Variants in CHIC1 observed in about 807,000 individuals in gnomAD.
The protein encoded by CHIC1 is cysteine-rich hydrophobic domain-containing protein 1.
A neutral mutation model predicts 18.5 loss-of-function variants in CHIC1; 7 were observed. The observed-to-expected ratio is 0.38, with a 90% CI of 0.22 to 0.71. The LOEUF is 0.71. Among genes scored for constraint, CHIC1 ranks in the 30% least tolerant of loss-of-function variants. The probability of loss-of-function intolerance (pLI) is 0.49; values close to 1 mark genes in which losing one functional copy is unlikely to be tolerated. For synonymous variants in CHIC1, 77 were observed against 73.5 expected, an observed-to-expected ratio of 1.05 and a Z score of -0.25; for missense variants, 159 against 176.9, an observed-to-expected ratio of 0.90 and a Z score of 0.57.
chrX:73,576,439 CT>C (rs1193529591), intron 1 of CHIC1, among the ~76,000 whole-genome samples: 1 of 110,451 alleles, frequency 9.1e-6, no homozygotes, highest in Non-Finnish European at 1.9e-5. Flanking sequence ...TATGACAACA[CT>C]AAGCAATAGA....
intron 3 of CHIC1, among the ~76,000 whole-genome samples, chrX:73,627,809 G>A (rs182283829): frequency 4.8e-4 from 53 of 111,382 alleles, no homozygotes; most frequent in African/African-American, 1.1e-3. Context: ...TTCCCTGGTC[G>A]TGGTGGTATC....
chrX:73,681,221 A>T lies in CHIC1; in HGVS notation c.*216A>T, dbSNP rs1174161584. Reference sequence around the variant, plus strand: ...GTTTTGCACTCTCAATTTTAAATACACACACATGCGTGTGTGCATATACAT... The same window carrying T: ...GTTTTGCACTCTCAATTTTAAATACTCACACATGCGTGTGTGCATATACAT... On this transcript the variant is annotated 3_prime_UTR_variant, in exon 6 of 6. Coordinates refer to ENST00000373502, the MANE Select transcript of CHIC1 (RefSeq NM_001039840.4). The T allele has an allele frequency of 2.8e-6, 1 of 357,712 alleles. No homozygotes were observed. The highest frequency in any genetic ancestry group is 5.8e-5 in the Admixed American group (1 of 17,366). 29.5% of individuals were successfully genotyped at this position (357,712 alleles called of 1,213,427 possible).
At chrX:73,600,442 C>T (rs1275374679) in intron 3 of CHIC1, among the ~76,000 whole-genome samples, 2 of 104,073 alleles carry the variant, frequency 1.9e-5, no homozygotes, top group Non-Finnish European at 3.9e-5. Context: ...CCAGTTTTTG[C>T]CCATTCAGTA....
intron 3 of CHIC1, among the ~76,000 whole-genome samples, chrX:73,604,525 AT>A (rs372014262): frequency 0.037 from 3,926 of 107,262 alleles, 485 homozygotes; most frequent in African/African-American, 0.14. Context: ...TCTGATCTTA[AT>A]TATTTCTTGC....
At chrX:73,642,754 C>G (rs2057864483) in intron 3 of CHIC1, among the ~76,000 whole-genome samples, 1 of 110,169 alleles carries the variant, frequency 9.1e-6, no homozygotes, top group Admixed American at 9.8e-5. Context: ...GCCAGTTTTC[C>G]CAGCACCATT....
In CHIC1 at chrX:73,684,771, T is replaced by A. The variant is rs2058114214; in HGVS notation, c.*3766T>A. 2 of 111,606 alleles carry A rather than the reference T, an allele frequency of 1.8e-5. No homozygotes were observed. The highest frequency in any genetic ancestry group is 9.6e-5 in the Admixed American group (1 of 10,428). 9.2% of individuals were successfully genotyped at this position (111,606 alleles called of 1,213,427 possible). On this transcript the variant is annotated 3_prime_UTR_variant, in exon 6 of 6. Coordinates refer to ENST00000373502, the MANE Select transcript of CHIC1 (RefSeq NM_001039840.4). ...TTGGGAAATTTTCCATAAAAATGAA[T>A]AGGTTTTATTAATACCTGTTCATGT...
At chrX:73,581,231 G>A (rs1442667378) in intron 2 of CHIC1, among the ~76,000 whole-genome samples, 1 of 110,726 alleles carries the variant, frequency 9.0e-6, no homozygotes, top group South Asian at 3.8e-4. Flanking sequence ...CAGTCCTGCT[G>A]CGGTTTGCTT....
chrX:73,637,514 A>G (rs931389428), intron 3 of CHIC1, among the ~76,000 whole-genome samples: 1 of 110,214 alleles, frequency 9.1e-6, no homozygotes, highest in Non-Finnish European at 1.9e-5. Context: ...TGTCCATTTA[A>G]TGGTGTCTCA....
rs1201335280 is a variant in CHIC1, at chrX:73,686,364, T to G, written c.*5359T>G. ...TTTTTTTTCTGTTTTAGAATATCAC[T>G]GGCCTAATTTATTTAGGTGTGTACA... On this transcript the variant is annotated 3_prime_UTR_variant, in exon 6 of 6. Transcript: ENST00000373502. 1 of 111,344 alleles carries G rather than the reference T, an allele frequency of 9.0e-6. No individual in the cohort carries two copies. Among genetic ancestry groups the G allele is most frequent in the Non-Finnish European group, 1.9e-5 (1 of 52,874 alleles). 9.2% of individuals were successfully genotyped at this position (111,344 alleles called of 1,213,427 possible). A position where few individuals can be genotyped will look rare whatever the true frequency, so the allele number is the denominator to read the frequency against.
In CHIC1 at chrX:73,563,458, AGAAGAGGAGGAGGAG is replaced by A. The variant is rs771379222; in HGVS notation, c.189_203del (p.Glu64_Glu68del). 1.4e-4 allele frequency: 160 copies of A among 1,159,967 alleles called. No individual in the cohort carries two copies. The highest frequency in any genetic ancestry group is 3.1e-4 in the Admixed American group (12 of 38,524). On this transcript the variant is annotated inframe_deletion, in exon 1 of 6. Coordinates refer to ENST00000373502, the MANE Select transcript of CHIC1 (RefSeq NM_001039840.4). ...AAGAGGAGGAAGAGGAGGAGGAGGA[AGAAGAGGAGGAGGAG>A]GAAGAGGAGGAGGAAGCGCCGCCCC...
In CHIC1 at chrX:73,600,798, G is replaced by A. The variant is rs1345458730; in HGVS notation, c.507+16226G>A. Among the ~76,000 whole-genome samples, 2 of 106,714 alleles carry A rather than the reference G, an allele frequency of 1.9e-5. 1 individual carries two copies. The highest frequency in any genetic ancestry group is 7.4e-5 in the African/African-American group (2 of 27,186). 92.7% of individuals were successfully genotyped at this position (106,714 alleles called of 115,157 possible). A position where few individuals can be genotyped will look rare whatever the true frequency, so the allele number is the denominator to read the frequency against. ...AAGGATATTGGTCTAAAAGTGTGCTGTATTCAGGAAACCCATCTCACGTGC... is the reference window on the plus strand; with the variant it reads ...AAGGATATTGGTCTAAAAGTGTGCTATATTCAGGAAACCCATCTCACGTGC... On this transcript the variant is annotated intron_variant, in intron 3 of 5. Coordinates refer to ENST00000373502, the MANE Select transcript of CHIC1 (RefSeq NM_001039840.4).
At chrX:73,576,303 G>A (rs2057498872) in intron 1 of CHIC1, among the ~76,000 whole-genome samples, 1 of 110,756 alleles carries the variant, frequency 9.0e-6, no homozygotes, top group African/African-American at 3.3e-5. Flanking sequence ...TGTATTGTAT[G>A]TAATTATATG....
At position 73,679,355 on chromosome X, in the gene CHIC1, A is replaced by G. The variant is rs768806818; in HGVS notation, c.537A>G (p.Glu179=). 24 of 1,149,392 alleles carry G rather than the reference A, an allele frequency of 2.1e-5. No individual in the cohort carries two copies. The highest frequency in any genetic ancestry group is 2.4e-4 in the Middle Eastern group (1 of 4,113). 94.7% of individuals were successfully genotyped at this position (1,149,392 alleles called of 1,213,427 possible). A position where few individuals can be genotyped will look rare whatever the true frequency, so the allele number is the denominator to read the frequency against. Residue 179 remains glutamate (E), a synonymous_variant, in exon 4 of 6, where the codon GAA becomes GAG. Transcript: ENST00000373502. ...RTRRSIQKLI[E]WENNRLYHKL... ...GAAGATCAATTCAGAAGTTAATAGA[A>G]TGGGAAAATAACAGATTATATCACA...
chrX:73,618,209 G>C (rs959166959), intron 3 of CHIC1, among the ~76,000 whole-genome samples: 4 of 111,433 alleles, frequency 3.6e-5, no homozygotes, highest in African/African-American at 9.8e-5. Flanking sequence ...ACTCTGCAAG[G>C]GTCCTTAGTT....
chrX:73,665,417 A>T (rs1241434703), intron 3 of CHIC1, among the ~76,000 whole-genome samples: 1 of 111,286 alleles, frequency 9.0e-6, no homozygotes, highest in Non-Finnish European at 1.9e-5. Context: ...TACATCTACC[A>T]TACCTTCTTC....
intron 3 of CHIC1, among the ~76,000 whole-genome samples, chrX:73,678,525 G>A (rs1323186056): frequency 1.8e-5 from 2 of 112,033 alleles, no homozygotes; most frequent in Non-Finnish European, 3.8e-5. Flanking sequence ...CGTAGGTGCT[G>A]GCAGTGTCTG....
At chrX:73,628,669 A>C (rs2057794154) in intron 3 of CHIC1, among the ~76,000 whole-genome samples, 3 of 110,877 alleles carry the variant, frequency 2.7e-5, no homozygotes, top group Admixed American at 1.9e-4. Context: ...GGGTTGGGGG[A>C]GGGGTGGCTT....
chrX:73,613,464 T>C (rs865978388), intron 3 of CHIC1, among the ~76,000 whole-genome samples: 48 of 111,263 alleles, frequency 4.3e-4, no homozygotes, highest in African/African-American at 1.4e-3. Context: ...TCTTATCATA[T>C]GATTTGTGCA....
intron 3 of CHIC1, among the ~76,000 whole-genome samples, chrX:73,677,308 TTGTC>T (rs1054601456): frequency 8.0e-5 from 9 of 112,207 alleles, no homozygotes; most frequent in South Asian, 7.4e-4. Flanking sequence ...GTCTTTTTGT[TTGTC>T]TGTGCCCTGC....
Sources: allele counts gnomAD v4.1 joint callset (sites outside exome capture counted in the v4.1 genomes callset), GRCh38; gene constraint gnomAD v4.1.1; transcripts MANE v1.5; gene names NCBI Gene and HGNC (gene_info 2026-07-23, HGNC 2026-07-21).